CDH8: variants seen among roughly 807,000 people sequenced by gnomAD.
CDH8 encodes cadherin 8, also known as cadherin-8.
Under a neutral mutation model 68.1 loss-of-function variants are expected in CDH8, and 17 were observed. That is an observed-to-expected ratio of 0.25 (90% CI 0.17 to 0.37). CDH8 has a LOEUF of 0.37. Ranked by LOEUF, CDH8 falls within the 10% of genes least tolerant of loss-of-function variation. CDH8 has a pLI of 1.00. For synonymous variants in CDH8, 372 were observed against 365.1 expected (o/e 1.02, Z -0.21); for missense variants, 763 against 999.3 (o/e 0.76, Z 3.19).
intron 10 of CDH8, among the ~76,000 whole-genome samples, chr16:61,662,087 GTTTT>G: frequency 1.1e-5 from 1 of 92,790 alleles, no homozygotes; most frequent in Non-Finnish European, 2.2e-5. Context: ...TTTTACTTTA[GTTTT>G]TTTTTTTTTT....
chr16:61,984,895 A>G (rs1346436804), intron 2 of CDH8, among the ~76,000 whole-genome samples: 1 of 152,168 alleles, frequency 6.6e-6, no homozygotes, highest in Non-Finnish European at 1.5e-5. Context: ...TCCCTGAGCT[A>G]TTTATCAAAT....
At chr16:62,004,463 T>C (rs1567564712) in intron 2 of CDH8, among the ~76,000 whole-genome samples, 1 of 152,152 alleles carries the variant, frequency 6.6e-6, no homozygotes, top group East Asian at 1.9e-4. Context: ...TATTGCAAGG[T>C]AGGATATTGC....
At chr16:61,714,145 C>T (rs962511208) in intron 9 of CDH8, 187 bp from the exon 10 acceptor site, 1 of 564,960 alleles carries the variant, frequency 1.8e-6, no homozygotes. Context: ...AAAACCTCAG[C>T]TTTGATAAGT....
intron 11 of CDH8, among the ~76,000 whole-genome samples, 168 bp downstream of exon 11, chr16:61,655,302 C>G (rs144472330): frequency 1.3e-5 from 2 of 152,192 alleles, no homozygotes; most frequent in African/African-American, 4.8e-5. Flanking sequence ...CTATCACAAC[C>G]CTTTTTCTCT....
intron 3 of CDH8, among the ~76,000 whole-genome samples, chr16:61,885,323 T>A (rs370932063): frequency 6.6e-6 from 1 of 152,204 alleles, no homozygotes; most frequent in African/African-American, 2.4e-5. Context: ...TTTTACTGTA[T>A]GGCTATTAAA....
chr16:62,005,660 C>G (rs537672301), intron 2 of CDH8, among the ~76,000 whole-genome samples: 31 of 150,362 alleles, frequency 2.1e-4, no homozygotes, highest in African/African-American at 7.4e-4. Flanking sequence ...CACTTGAACC[C>G]GGGAGGCGGA....
At chr16:61,945,936 G>T (rs1239517354) in intron 2 of CDH8, among the ~76,000 whole-genome samples, 1 of 152,126 alleles carries the variant, frequency 6.6e-6, no homozygotes, top group Non-Finnish European at 1.5e-5. Context: ...TGTAAAATGT[G>T]AAAAGAAACG....
At chr16:61,681,986 C>T (rs1214227305) in intron 10 of CDH8, among the ~76,000 whole-genome samples, 2 of 151,852 alleles carry the variant, frequency 1.3e-5, no homozygotes, top group Non-Finnish European at 2.9e-5. Context: ...GGAAAATAAT[C>T]TCTCTAAGTA....
At chr16:61,761,082 A>G (rs1234335385) in intron 8 of CDH8, among the ~76,000 whole-genome samples, 1 of 152,190 alleles carries the variant, frequency 6.6e-6, no homozygotes, top group African/African-American at 2.4e-5. Context: ...AACATTTCAC[A>G]TGATACATAT....
intron 10 of CDH8, among the ~76,000 whole-genome samples, chr16:61,660,586 GA>G: frequency 6.6e-6 from 1 of 151,978 alleles, no homozygotes; most frequent in Non-Finnish European, 1.5e-5. Flanking sequence ...TATACATCCA[GA>G]AAGCTCAGGG....
intron 8 of CDH8, among the ~76,000 whole-genome samples, chr16:61,770,257 T>G (rs1960744508): frequency 1.3e-5 from 2 of 151,942 alleles, no homozygotes; most frequent in South Asian, 4.1e-4. Flanking sequence ...TTATTTTCTG[T>G]TCTTTATTGT....
intron 3 of CDH8, among the ~76,000 whole-genome samples, chr16:61,879,769 G>A (rs372262480): frequency 6.6e-6 from 1 of 152,106 alleles, no homozygotes; most frequent in African/African-American, 2.4e-5. Flanking sequence ...TCCTGTGATA[G>A]GCCCCGAAAA....
intron 8 of CDH8, among the ~76,000 whole-genome samples, chr16:61,742,146 G>T (rs1344662656): frequency 6.6e-6 from 1 of 152,002 alleles, no homozygotes; most frequent in Non-Finnish European, 1.5e-5. Flanking sequence ...AATATTATAG[G>T]TAGTATTTTG....
chr16:61,775,972 C>T (rs1433921060), intron 8 of CDH8, among the ~76,000 whole-genome samples: 3 of 152,082 alleles, frequency 2.0e-5, no homozygotes, highest in Non-Finnish European at 4.4e-5. Flanking sequence ...TATTTCAGCC[C>T]TCTTTCTCTC....
intron 2 of CDH8, among the ~76,000 whole-genome samples, chr16:62,013,383 A>G (rs1360165602): frequency 7.2e-5 from 11 of 151,984 alleles, no homozygotes; most frequent in Admixed American, 7.2e-4. Context: ...GACTGAAAGT[A>G]TTGAATATGG....
At chr16:61,685,414 G>A (rs180897758) in intron 10 of CDH8, among the ~76,000 whole-genome samples, 1 of 152,018 alleles carries the variant, frequency 6.6e-6, no homozygotes, top group Admixed American at 6.6e-5. Flanking sequence ...TCAGATATCT[G>A]GAAGAGGGAA....
chr16:61,691,275 C>A (rs1204128461), intron 10 of CDH8, among the ~76,000 whole-genome samples: 2 of 152,046 alleles, frequency 1.3e-5, no homozygotes, highest in East Asian at 1.9e-4. Context: ...GGATCATACT[C>A]ATTTTGGGTA....
chr16:61,846,934 T>A (rs1406766844), intron 4 of CDH8, among the ~76,000 whole-genome samples: 1 of 152,098 alleles, frequency 6.6e-6, no homozygotes, highest in Non-Finnish European at 1.5e-5. Context: ...ATGTAGAACT[T>A]ACAGGCGCAT....
intron 7 of CDH8, among the ~76,000 whole-genome samples, chr16:61,796,213 A>G (rs1961498237): frequency 6.6e-6 from 1 of 152,026 alleles, no homozygotes; most frequent in Admixed American, 6.6e-5. Context: ...ATTAATTTGG[A>G]TCCTACTTTT....
Sources: gnomAD v4.1 joint callset for allele counts (sites outside exome capture counted in the v4.1 genomes callset) on GRCh38, gnomAD v4.1.1 for gene constraint, MANE v1.5 for transcripts, NCBI Gene and HGNC (gene_info 2026-07-23, HGNC 2026-07-21) for gene names.